Variants in SYT2 observed in about 807,000 individuals in gnomAD.
SYT2 encodes synaptotagmin-2.
Under a neutral mutation model 39.9 loss-of-function variants are expected in SYT2, and 15 were observed. That is an observed-to-expected ratio of 0.38 (90% confidence interval 0.25 to 0.58). The LOEUF (loss-of-function observed/expected upper bound fraction) is 0.58, where lower values mean the gene tolerates loss of function less well. Among genes scored for constraint, SYT2 ranks in the 20% least tolerant of loss-of-function variants. The pLI, the probability that SYT2 is intolerant of heterozygous loss-of-function variation, is 0.70. For synonymous variants in SYT2, 181 were observed against 204.5 expected, an observed-to-expected ratio of 0.89 and a Z score of 0.98; for missense variants, 389 against 530.3, an observed-to-expected ratio of 0.73 and a Z score of 2.62.
chr1:202,651,741 C>T (rs752088347), intron 1 of SYT2, among the ~76,000 whole-genome samples: 15 of 152,188 alleles, frequency 9.9e-5, no homozygotes, highest in Non-Finnish European at 2.2e-4. Flanking sequence ...TTATTCTACC[C>T]AGTTTACAGA....
intron 1 of SYT2, among the ~76,000 whole-genome samples, chr1:202,661,097 T>C (rs1326707320): frequency 1.3e-5 from 2 of 152,122 alleles, no homozygotes; most frequent in African/African-American, 4.8e-5. Context: ...CGTGCCCTCA[T>C]GGACCATATA....
intron 1 of SYT2, among the ~76,000 whole-genome samples, chr1:202,622,760 C>T (rs1314498709): frequency 6.6e-6 from 1 of 152,170 alleles, no homozygotes; most frequent in Non-Finnish European, 1.5e-5. Flanking sequence ...AAACCTGCAG[C>T]ACCTCACACC....
intron 6 of SYT2, among the ~76,000 whole-genome samples, chr1:202,600,775 G>A (rs1282318853): frequency 2.0e-5 from 3 of 152,182 alleles, no homozygotes; most frequent in African/African-American, 7.2e-5. Context: ...AGGGATCCCT[G>A]GGTGGATCTG....
In SYT2 at chr1:202,687,508, G is replaced by A. The variant is rs182149311; in HGVS notation, c.-18+22750C>T. On this transcript the variant is annotated intron_variant, in intron 1 of 8. Coordinates refer to ENST00000367268, the MANE Select transcript of SYT2 (RefSeq NM_177402.5). ...GTGTGTGATCGACCTTCAGCTGAGC[G>A]TGACAACTGCGTGTCTGTCAGACAG... Among the ~76,000 whole-genome samples the A allele has an allele frequency of 8.7e-4, 132 of 152,136 alleles. 1 individual carries two copies. The East Asian group carries it at 0.014, about 16-fold the overall frequency.
chr1:202,641,745 G>A (rs973587181), intron 1 of SYT2, among the ~76,000 whole-genome samples: 2 of 152,232 alleles, frequency 1.3e-5, no homozygotes, highest in Non-Finnish European at 2.9e-5. Flanking sequence ...CCTGTCTGGA[G>A]GTAGAGAGCA....
intron 1 of SYT2, among the ~76,000 whole-genome samples, chr1:202,671,827 A>G (rs10920450): frequency 0.54 from 81,624 of 152,152 alleles, 24,116 homozygotes; most frequent in East Asian, 0.77. Context: ...CTGCCCTAAG[A>G]ATGCCCCCAG....
Position 202,613,067 on chromosome 1 carries a change from CCTTTTTTTTTTTTTTTT to C in SYT2, c.-17-7295_-17-7279del, listed in dbSNP as rs1368154561. Among the ~76,000 whole-genome samples the C allele has an allele frequency of 6.2e-3, 755 of 121,618 alleles. 15 individuals are homozygous for C. Among genetic ancestry groups the C allele is most frequent in the African/African-American group, 0.021 (724 of 34,282 alleles). The allele number at this position is 121,618 out of a possible 152,430, so 79.8% of individuals were successfully genotyped here. ...CACATTGCCGAACTCATTGGTTCTT[CCTTTTTTTTTTTTTTTT>C]TTTTTTTTTTTTTCCAGACAGAGTC... On this transcript the variant is annotated intron_variant, in intron 1 of 8. Transcript: ENST00000367268.
intron 1 of SYT2, among the ~76,000 whole-genome samples, chr1:202,625,490 C>T (rs940541259): frequency 7.6e-5 from 11 of 145,272 alleles, no homozygotes; most frequent in East Asian, 2.0e-4. Context: ...GGCAGGAGCC[C>T]GGGCTGGGTG....
chr1:202,686,605 T>C (rs749760615), intron 1 of SYT2, among the ~76,000 whole-genome samples: 3 of 152,170 alleles, frequency 2.0e-5, no homozygotes, highest in Non-Finnish European at 4.4e-5. Flanking sequence ...CAAGTCCTCC[T>C]GGTCATCCTG....
intron 1 of SYT2, among the ~76,000 whole-genome samples, chr1:202,704,566 G>A (rs566167600): frequency 3.3e-5 from 5 of 151,798 alleles, no homozygotes; most frequent in Admixed American, 1.3e-4. Flanking sequence ...CAGGTCTGGA[G>A]TCTCCGAAGG....
intron 1 of SYT2, among the ~76,000 whole-genome samples, chr1:202,664,139 A>G (rs1692440136): frequency 6.6e-6 from 1 of 152,170 alleles, no homozygotes; most frequent in South Asian, 2.1e-4. Context: ...GAGGATATGA[A>G]TGTTGAGAGG....
chr1:202,598,485 C>A (rs1690378177), intron 8 of SYT2, among the ~76,000 whole-genome samples: 1 of 152,240 alleles, frequency 6.6e-6, no homozygotes, highest in Non-Finnish European at 1.5e-5. Flanking sequence ...AGAACCAACT[C>A]TGAAGATTCT....
intron 1 of SYT2, among the ~76,000 whole-genome samples, chr1:202,648,714 A>G (rs1257805617): frequency 1.3e-5 from 2 of 152,194 alleles, no homozygotes; most frequent in Non-Finnish European, 2.9e-5. Context: ...CCTGGGGGAT[A>G]AACTTGAACT....
rs956330182 is a variant in SYT2, at chr1:202,658,593, G to A, written c.-18+51665C>T. ...GGTGCAAGCTGTGAGTACGTGTGGC[G>A]TGTGTGTGCCTCAGACAGCAGCTGA... On this transcript the variant is annotated intron_variant, in intron 1 of 8. Transcript: ENST00000367268. 8.5e-5 allele frequency among the ~76,000 whole-genome samples: 13 copies of A among 152,066 alleles called. No homozygotes were observed. In the East Asian group the frequency reaches 1.2e-3, roughly 14 times the overall value.
chr1:202,705,584 A>G (rs1252535675), intron 1 of SYT2, among the ~76,000 whole-genome samples: 1 of 152,018 alleles, frequency 6.6e-6, no homozygotes, highest in African/African-American at 2.4e-5. Context: ...CTCACATCCT[A>G]CTTCCCTAAG....
Position 202,600,371 on chromosome 1 carries a change from ACGTCCATCTTCTTGAGGTTCT to A in SYT2, c.884_904del (p.Lys295_Val302delinsMet), listed in dbSNP as rs1690456173. 6.2e-7 allele frequency: 1 copy of A among 1,614,160 alleles called. No individual in the cohort carries two copies. The highest frequency in any genetic ancestry group is 8.5e-7 in the Non-Finnish European group (1 of 1,180,012). On this transcript the variant is annotated inframe_deletion, in exon 7 of 9. Transcript: ENST00000367268. ...TCTCCACGTACCTGAAAGGCCGCCC[ACGTCCATCTTCTTGAGGTTCT>A]TAGCCTCCAGGATGCAGACAGTGAG...
chr1:202,652,138 G>T (rs1692206080), intron 1 of SYT2, among the ~76,000 whole-genome samples: 1 of 152,228 alleles, frequency 6.6e-6, no homozygotes, highest in African/African-American at 2.4e-5. Context: ...TCCCTCTGCA[G>T]AGAGTTGGTG....
At chr1:202,656,372 C>T (rs1416506945) in intron 1 of SYT2, among the ~76,000 whole-genome samples, 1 of 152,184 alleles carries the variant, frequency 6.6e-6, no homozygotes, top group Admixed American at 6.5e-5. Context: ...ATTTTAGACT[C>T]AGAGCAGGAG....
intron 1 of SYT2, among the ~76,000 whole-genome samples, chr1:202,660,775 G>T (rs752865094): frequency 6.6e-6 from 1 of 152,152 alleles, no homozygotes; most frequent in Admixed American, 6.5e-5. Context: ...AAGCCACCGC[G>T]TCATGCCGGT....
Sources: allele counts gnomAD v4.1 joint callset (sites outside exome capture counted in the v4.1 genomes callset), GRCh38; gene constraint gnomAD v4.1.1; transcripts MANE v1.5; gene names NCBI Gene and HGNC (gene_info 2026-07-23, HGNC 2026-07-21).